The following PPP2R2B variants were observed in gnomAD, a reference collection of about 807,000 sequenced individuals.
PPP2R2B encodes the protein serine/threonine-protein phosphatase 2A 55 kDa regulatory subunit B beta isoform.
A neutral mutation model predicts 46.0 loss-of-function variants in PPP2R2B; 5 were observed. The observed-to-expected ratio is 0.11, with a 90% confidence interval of 0.06 to 0.23. The LOEUF (loss-of-function observed/expected upper bound fraction) is 0.23. Among genes scored for constraint, PPP2R2B ranks in the 10% least tolerant of loss-of-function variants. PPP2R2B has a pLI of 1.00. For synonymous variants in PPP2R2B, 215 were observed against 206.7 expected (o/e 1.04, Z -0.34); for missense variants, 367 against 575.0 (o/e 0.64, Z 3.70).
intron 2 of PPP2R2B, among the ~76,000 whole-genome samples, chr5:146,867,337 C>T (rs552607803): frequency 1.3e-5 from 2 of 152,282 alleles, no homozygotes; most frequent in South Asian, 2.1e-4. Flanking sequence ...CCCTAATCAG[C>T]AGATCCATAC....
In PPP2R2B at chr5:146,595,947, ACTG is replaced by A. The variant is rs543120112; in HGVS notation, c.961-2888_961-2886del. Among the ~76,000 whole-genome samples, 33 of 152,200 alleles carry A rather than the reference ACTG, an allele frequency of 2.2e-4. No homozygotes were observed. In the East Asian group the frequency reaches 5.4e-3, roughly 25 times the overall value. On this transcript the variant is annotated intron_variant, in intron 8 of 9. Transcript: ENST00000394411. ...GAGTCCAGTGTCATATAGTTAGTGGACTGCTATGAGGCAAACAAAGAGCCAACT... is the reference window on the plus strand; with the variant it reads ...GAGTCCAGTGTCATATAGTTAGTGGACTATGAGGCAAACAAAGAGCCAACT...
intron 7 of PPP2R2B, among the ~76,000 whole-genome samples, chr5:146,606,533 A>G (rs1475597457): frequency 1.3e-5 from 2 of 152,254 alleles, no homozygotes; most frequent in South Asian, 4.1e-4. Context: ...TTGTGAGAAT[A>G]GACGAGATCT....
intron 7 of PPP2R2B, among the ~76,000 whole-genome samples, chr5:146,615,572 CT>C (rs1230052295): frequency 2.3e-5 from 3 of 128,828 alleles, no homozygotes; most frequent in Admixed American, 2.2e-4. Flanking sequence ...TTCAGTAAAA[CT>C]GCAGGATACA....
At chr5:147,032,973 C>T (rs926826961) in intron 1 of PPP2R2B, among the ~76,000 whole-genome samples, 4 of 152,208 alleles carry the variant, frequency 2.6e-5, no homozygotes, top group Admixed American at 2.6e-4. Flanking sequence ...TACTAGTTTA[C>T]ATTCCCACCA....
At chr5:147,006,740 C>G (rs564168612) in intron 1 of PPP2R2B, among the ~76,000 whole-genome samples, 10 of 152,242 alleles carry the variant, frequency 6.6e-5, no homozygotes, top group African/African-American at 2.2e-4. Context: ...CTCCTCACTG[C>G]TGAGAAAAGA....
chr5:146,663,642 GT>G (rs1776807988), intron 5 of PPP2R2B, among the ~76,000 whole-genome samples: 1 of 152,100 alleles, frequency 6.6e-6, no homozygotes. Flanking sequence ...ATAGCATTAT[GT>G]TTAAAACAAC....
intron 2 of PPP2R2B, among the ~76,000 whole-genome samples, chr5:146,731,882 C>T (rs1433928310): frequency 6.6e-6 from 1 of 152,170 alleles, no homozygotes; most frequent in Non-Finnish European, 1.5e-5. Flanking sequence ...TTTGCCATCT[C>T]ATCATGGGGT....
chr5:146,910,679 A>C (rs958545828), intron 1 of PPP2R2B, among the ~76,000 whole-genome samples: 3 of 152,190 alleles, frequency 2.0e-5, no homozygotes, highest in Admixed American at 2.0e-4. Flanking sequence ...ATGCTCCATG[A>C]TGTTACTGTT....
chr5:146,862,535 A>G (rs1426267758), intron 2 of PPP2R2B, among the ~76,000 whole-genome samples: 1 of 152,152 alleles, frequency 6.6e-6, no homozygotes, highest in African/African-American at 2.4e-5. Flanking sequence ...AATTCAGGAA[A>G]AACTTCACAG....
chr5:146,954,179 C>T (rs546283900), intron 1 of PPP2R2B, among the ~76,000 whole-genome samples: 24 of 151,408 alleles, frequency 1.6e-4, no homozygotes, highest in African/African-American at 5.3e-4. Context: ...GTCTCTCTCC[C>T]TCCTCCGAAC....
At chr5:146,631,998 T>C (rs1774452047) in intron 7 of PPP2R2B, among the ~76,000 whole-genome samples, 1 of 151,794 alleles carries the variant, frequency 6.6e-6, no homozygotes, top group African/African-American at 2.4e-5. Context: ...CTGGAACTGC[T>C]GGCTCCAGGG....
chr5:146,675,989 C>T (rs1777685103), intron 5 of PPP2R2B, among the ~76,000 whole-genome samples: 1 of 151,926 alleles, frequency 6.6e-6, no homozygotes, highest in African/African-American at 2.4e-5. Flanking sequence ...GTTCTATGAC[C>T]CTCCAAACAA....
At chr5:146,634,153 T>A (rs2151073642) in intron 7 of PPP2R2B, among the ~76,000 whole-genome samples, 1 of 152,254 alleles carries the variant, frequency 6.6e-6, no homozygotes, top group East Asian at 1.9e-4. Context: ...GTACTGCCTA[T>A]TGTCAATGGG....
intron 2 of PPP2R2B, among the ~76,000 whole-genome samples, chr5:146,860,488 T>C (rs530304781): frequency 6.6e-6 from 1 of 152,316 alleles, no homozygotes; most frequent in Admixed American, 6.5e-5. Context: ...TGGATGGTAG[T>C]ATTCTCCTAT....
chr5:146,730,693 C>A (rs558441104), intron 2 of PPP2R2B, among the ~76,000 whole-genome samples: 2 of 152,096 alleles, frequency 1.3e-5, no homozygotes, highest in Non-Finnish European at 2.9e-5. Flanking sequence ...TTTCTCTTGC[C>A]GCCACCATGT....
intron 1 of PPP2R2B, among the ~76,000 whole-genome samples, chr5:146,971,497 G>A (rs1277238144): frequency 2.0e-5 from 3 of 152,170 alleles, no homozygotes; most frequent in African/African-American, 7.2e-5. Context: ...AATTCATTAA[G>A]TCCCTAGTGA....
chr5:146,907,713 G>C (rs776733891), intron 1 of PPP2R2B, among the ~76,000 whole-genome samples: 41 of 152,298 alleles, frequency 2.7e-4, no homozygotes, highest in Middle Eastern at 3.4e-3. Context: ...CTAAGTTTTT[G>C]TCTTTTCCCA....
upstream of PPP2R2B, chr5:147,056,229 C>A: frequency 1.5e-6 from 1 of 652,652 alleles, no homozygotes; most frequent in Non-Finnish European, 1.9e-6. Context: ...AGAGAGATGG[C>A]TGTTAAAAGG....
At chr5:146,706,744 C>A in intron 2 of PPP2R2B, 1 of 804,190 alleles carries the variant, frequency 1.2e-6, no homozygotes, top group East Asian at 2.5e-5. Context: ...TCCCAGCCAG[C>A]GTCTGCAGCT....
Sources: allele counts gnomAD v4.1 joint callset (sites outside exome capture counted in the v4.1 genomes callset), GRCh38; gene constraint gnomAD v4.1.1; transcripts MANE v1.5; gene names NCBI Gene and HGNC (gene_info 2026-07-23, HGNC 2026-07-21).